The following PIK3R5 variants were observed in gnomAD, a reference collection of about 807,000 sequenced individuals.
PIK3R5 encodes the protein phosphoinositide 3-kinase regulatory subunit 5.
In PIK3R5, 32 loss-of-function variants were observed where a neutral mutation model predicts 94.9. The observed-to-expected ratio is 0.34, with a 90% CI of 0.25 to 0.45. The LOEUF (loss-of-function observed/expected upper bound fraction) is 0.45, where lower values mean the gene tolerates loss of function less well. Ranked by LOEUF, PIK3R5 falls within the 20% of genes least tolerant of loss-of-function variation. PIK3R5 has a pLI of 1.00. For missense variants in PIK3R5, 853 were observed against 1,144.6 expected, an observed-to-expected ratio of 0.75 and a Z score of 3.68; for synonymous variants, 443 against 479.4, an observed-to-expected ratio of 0.92 and a Z score of 0.99.
intron 5 of PIK3R5, among the ~76,000 whole-genome samples, chr17:8,900,399 G>A (rs999709210): frequency 2.0e-5 from 3 of 152,340 alleles, no homozygotes; most frequent in Non-Finnish European, 2.9e-5. Context: ...ACGTATGTGT[G>A]AGGTTTTGGA....
At chr17:8,903,365 A>G (rs2151396407) in intron 5 of PIK3R5, among the ~76,000 whole-genome samples, 1 of 151,746 alleles carries the variant, frequency 6.6e-6, no homozygotes, top group Non-Finnish European at 1.5e-5. Flanking sequence ...GCCCTATAGT[A>G]CCTTCAAAAA....
At chr17:8,928,796 A>C (rs1403717825) in intron 1 of PIK3R5, among the ~76,000 whole-genome samples, 3 of 152,226 alleles carry the variant, frequency 2.0e-5, no homozygotes, top group South Asian at 2.1e-4. Flanking sequence ...TAAAAGAAAG[A>C]AATCTTGGAA....
intron 1 of PIK3R5, among the ~76,000 whole-genome samples, chr17:8,943,249 T>TTTTG (rs1160309424): frequency 2.0e-5 from 3 of 151,838 alleles, no homozygotes; most frequent in African/African-American, 4.8e-5. Context: ...TAATTTTTAA[T>TTTTG]TTTGTTTGTT....
chr17:8,884,633 C>T lies in PIK3R5; in HGVS notation c.2205+74G>A. ...GGCCCAGGAACACACGAGTCCAGCT[C>T]TGGGTCCAAGCTCTGGCGGAGGAAG... is the stretch of plus-strand genomic sequence containing the variant. On this transcript the variant is annotated intron_variant, in intron 15 of 18. Coordinates refer to ENST00000447110, the MANE Select transcript of PIK3R5 (RefSeq NM_001142633.3). This position sits in a 1 kb window ranked among gnomAD's most constrained non-coding sequence, Gnocchi z 5.8. 1 of 1,226,414 alleles carries T rather than the reference C, an allele frequency of 8.2e-7. No homozygotes were observed. The highest frequency in any genetic ancestry group is 1.9e-4 in the Middle Eastern group (1 of 5,346). The allele number at this position is 1,226,414 out of a possible 1,614,324, so 76.0% of individuals were successfully genotyped here.
chr17:8,912,590 A>T (rs1206988140), intron 1 of PIK3R5: 1 of 151,896 alleles, frequency 6.6e-6, no homozygotes, highest in Non-Finnish European at 1.5e-5. Context: ...CACTGCACTC[A>T]CTCCTTCCGG....
At position 8,884,356 on chromosome 17, in the gene PIK3R5, C is replaced by T. The variant is rs531548138; in HGVS notation, c.2205+351G>A. On this transcript the variant is annotated intron_variant, in intron 15 of 18. Transcript: ENST00000447110. This position sits in a 1 kb window ranked among gnomAD's most constrained non-coding sequence, Gnocchi z 5.8. ...CATGCAGCCTGCCAGGCACACTGGC[C>T]CCCCGAGACCCTGGCTTCTCCCTGA... Among the ~76,000 whole-genome samples, 1 of 152,088 alleles carries T rather than the reference C, an allele frequency of 6.6e-6. No individual in the cohort carries two copies. Among genetic ancestry groups the T allele is most frequent in the Non-Finnish European group, 1.5e-5 (1 of 68,002 alleles).
chr17:8,923,435 C>A (rs924790884), intron 1 of PIK3R5, among the ~76,000 whole-genome samples: 2 of 152,226 alleles, frequency 1.3e-5, no homozygotes, highest in Admixed American at 6.5e-5. Flanking sequence ...ACACTCCTTA[C>A]CCCCATTTTA....
At position 8,896,481 on chromosome 17, in the gene PIK3R5, G is replaced by A. The variant is rs1258474439; in HGVS notation, c.413-2826C>T. ...AAAATCTTGCCTGGGTTGTTCCTAC[G>A]TCAGGCTCTAGCAAGTAAGAAATTG... On this transcript the variant is annotated intron_variant, in intron 5 of 18. Coordinates refer to ENST00000447110, the MANE Select transcript of PIK3R5 (RefSeq NM_001142633.3). This position sits in a 1 kb window ranked among gnomAD's most constrained non-coding sequence, Gnocchi z 4.0. 1.3e-5 allele frequency among the ~76,000 whole-genome samples: 2 copies of A among 152,154 alleles called. No individual in the cohort carries two copies. The highest frequency in any genetic ancestry group is 4.8e-5 in the African/African-American group (2 of 41,414).
rs1279813514 is a variant in PIK3R5 at position 8,882,287 on chromosome 17, C to T, written c.2206-406G>A. The T allele has an allele frequency of 2.9e-5, 6 of 205,480 alleles. No individual in the cohort carries two copies. The highest frequency in any genetic ancestry group is 6.1e-5 in the Non-Finnish European group (6 of 98,442). 12.7% of individuals were successfully genotyped at this position (205,480 alleles called of 1,614,324 possible). ...CATCAGGGACCTCCATGTTGTTAAACCGAAGAACACTTCTTGGTCCTCAGC... is the reference window on the plus strand; with the variant it reads ...CATCAGGGACCTCCATGTTGTTAAATCGAAGAACACTTCTTGGTCCTCAGC... On this transcript the variant is annotated intron_variant, in intron 15 of 18. Coordinates refer to ENST00000447110, the MANE Select transcript of PIK3R5 (RefSeq NM_001142633.3). This position sits in a 1 kb window ranked among gnomAD's most constrained non-coding sequence, Gnocchi z 4.1.
intron 1 of PIK3R5, among the ~76,000 whole-genome samples, chr17:8,951,825 A>G (rs193134256): frequency 6.6e-6 from 1 of 152,322 alleles, no homozygotes; most frequent in Admixed American, 6.5e-5. Context: ...GTTCTTCCAT[A>G]TCTATTCTCC....
rs979576592 is a variant in PIK3R5, at chr17:8,880,610, C to T, written c.*29G>A. 39 of 1,573,330 alleles carry T rather than the reference C, an allele frequency of 2.5e-5. No individual in the cohort carries two copies. Among genetic ancestry groups the T allele is most frequent in the Non-Finnish European group, 2.8e-5 (32 of 1,160,312 alleles). On this transcript the variant is annotated 3_prime_UTR_variant, in exon 19 of 19. Transcript: ENST00000447110. ...GGTGGCCGAGGAGGTTGCCCCAGGG[C>T]TTCTGTCCAGTCTGGCGCTGGGCCC...
Position 8,959,010 on chromosome 17 carries a change from G to A in PIK3R5, c.-14+6586C>T, listed in dbSNP as rs192765977. Among the ~76,000 whole-genome samples, 754 of 149,696 alleles carry A rather than the reference G, an allele frequency of 5.0e-3. 8 individuals carry two copies. Among genetic ancestry groups the A allele is most frequent in the African/African-American group, 0.018 (712 of 39,222 alleles). On this transcript the variant is annotated intron_variant, in intron 1 of 18. Coordinates refer to ENST00000447110, the MANE Select transcript of PIK3R5 (RefSeq NM_001142633.3). ...TGACCTCAGGTGATCTGCCCGCCTC[G>A]GCCTCCCAAAGTGCTGGGATTACAG... is the stretch of plus-strand genomic sequence containing the variant.
chr17:8,959,293 T>C (rs770108248), intron 1 of PIK3R5, among the ~76,000 whole-genome samples: 1 of 152,166 alleles, frequency 6.6e-6, no homozygotes, highest in Admixed American at 6.5e-5. Context: ...CTGGGGATAA[T>C]CCAAAGAAAT....
At chr17:8,929,166 T>C (rs1037709209) in intron 1 of PIK3R5, among the ~76,000 whole-genome samples, 1 of 151,942 alleles carries the variant, frequency 6.6e-6, no homozygotes, top group East Asian at 1.9e-4. Context: ...TAGGAAAAAA[T>C]GCAAAACCAA....
chr17:8,925,005 T>TTAGATAGTAGATGGATAGATAGA lies in PIK3R5; in HGVS notation c.-13-13521_-13-13499dup, dbSNP rs2090843781. Among the ~76,000 whole-genome samples, 1 of 151,844 alleles carries TTAGATAGTAGATGGATAGATAGA rather than the reference T, an allele frequency of 6.6e-6. No homozygotes were observed. Among genetic ancestry groups the TTAGATAGTAGATGGATAGATAGA allele is most frequent in the Non-Finnish European group, 1.5e-5 (1 of 67,990 alleles). ...CTCACCAAATATACCAGATAGATAG[T>TTAGATAGTAGATGGATAGATAGA]TAGATAGTAGATGGATAGATAGATA... On this transcript the variant is annotated intron_variant, in intron 1 of 18. Transcript: ENST00000447110. This position sits in a 1 kb window ranked among gnomAD's most constrained non-coding sequence, Gnocchi z 5.1.
chr17:8,921,925 A>T (rs989915715), intron 1 of PIK3R5, among the ~76,000 whole-genome samples: 3 of 152,202 alleles, frequency 2.0e-5, no homozygotes, highest in African/African-American at 7.2e-5. Flanking sequence ...AAATAGTTAA[A>T]TATCAAAATT....
intron 3 of PIK3R5, among the ~76,000 whole-genome samples, chr17:8,906,699 A>G (rs1159968980): frequency 6.6e-6 from 1 of 152,128 alleles, no homozygotes; most frequent in African/African-American, 2.4e-5. Context: ...CCTGACCAAC[A>G]TGGCAAAACC....
At position 8,884,578 on chromosome 17, in the gene PIK3R5, C is replaced by A; in HGVS notation, c.2205+129G>T. On this transcript the variant is annotated intron_variant, in intron 15 of 18. Coordinates refer to ENST00000447110, the MANE Select transcript of PIK3R5 (RefSeq NM_001142633.3). This position sits in a 1 kb window ranked among gnomAD's most constrained non-coding sequence, Gnocchi z 5.8. ...CTGCTTCTCTCAGCATCCAGGGGAG[C>A]CTGCTGCAGCCTTCCAGCGTAAAGA... 1 of 692,102 alleles carries A rather than the reference C, an allele frequency of 1.4e-6. No homozygotes were observed. The highest frequency in any genetic ancestry group is 1.7e-5 in the South Asian group (1 of 58,488). 42.9% of individuals were successfully genotyped at this position (692,102 alleles called of 1,614,324 possible). A position where few individuals can be genotyped will look rare whatever the true frequency, so the allele number is the denominator to read the frequency against.
intron 1 of PIK3R5, among the ~76,000 whole-genome samples, chr17:8,912,166 A>G (rs1247041708): frequency 6.6e-6 from 1 of 152,148 alleles, no homozygotes. Context: ...AGGGGTGCTT[A>G]GCTGAGCTGG....
Sources: gnomAD v4.1 joint callset for allele counts (sites outside exome capture counted in the v4.1 genomes callset) on GRCh38, gnomAD v4.1.1 for gene constraint, Gnocchi (gnomAD v3.1) non-coding constraint, MANE v1.5 for transcripts, NCBI Gene and HGNC (gene_info 2026-07-23, HGNC 2026-07-21) for gene names.